The following SRD5A1 variants were observed in gnomAD, a reference collection of about 807,000 sequenced individuals.
SRD5A1 encodes the protein steroid 5 alpha-reductase 1, also known as 3-oxo-5-alpha-steroid 4-dehydrogenase 1.
In SRD5A1, 22 loss-of-function variants were observed where a neutral mutation model predicts 28.2. The observed-to-expected ratio is 0.78, with a 90% CI of 0.56 to 1.12. SRD5A1 has a LOEUF of 1.12. Ranked by LOEUF, SRD5A1 falls within the 50% of genes most tolerant of loss-of-function variation. The pLI is 0.00. For synonymous variants in SRD5A1, 151 were observed against 135.0 expected (o/e 1.12, Z -0.82); for missense variants, 300 against 346.7 (o/e 0.87, Z 1.07).
In SRD5A1 at chr5:6,662,250, C is replaced by T. The variant is rs377677529; in HGVS notation, c.563-566C>T. Among the ~76,000 whole-genome samples, 40 of 152,328 alleles carry T rather than the reference C, an allele frequency of 2.6e-4. 5 individuals are homozygous for T. Among genetic ancestry groups the T allele is most frequent in the East Asian group, 2.5e-3 (13 of 5,178 alleles). ...GACCTCCTCCACCCCATCCCAGCTC[C>T]GGGGCCCCCTCACTCTGCCCTGCCC... On this transcript the variant is annotated intron_variant, in intron 3 of 4. Transcript: ENST00000274192.
At chr5:6,666,229 G>A (rs1249253146) in intron 4 of SRD5A1, among the ~76,000 whole-genome samples, 1 of 151,878 alleles carries the variant, frequency 6.6e-6, no homozygotes, top group Non-Finnish European at 1.5e-5. Context: ...CTCACTGCAA[G>A]CTCTGCCTCC....
chr5:6,659,340 C>T (rs1738933632), intron 3 of SRD5A1, among the ~76,000 whole-genome samples: 2 of 151,986 alleles, frequency 1.3e-5, no homozygotes, highest in Admixed American at 1.3e-4. Context: ...GTCTCGATCT[C>T]CTGACCTCGT....
At position 6,673,870 on chromosome 5, in the gene SRD5A1, G is replaced by A. The variant is rs550587861; in HGVS notation, c.*5602G>A. 1.3e-5 allele frequency: 2 copies of A among 152,228 alleles called. No individual in the cohort carries two copies. The highest frequency in any genetic ancestry group is 1.9e-4 in the East Asian group (1 of 5,186). 9.4% of individuals were successfully genotyped at this position (152,228 alleles called of 1,614,324 possible). On this transcript the variant is annotated 3_prime_UTR_variant, in exon 5 of 5. Coordinates refer to ENST00000274192, the MANE Select transcript of SRD5A1 (RefSeq NM_001047.4). ...GAAAAAAGCCAGTTTGCAAAGGCTA[G>A]ATACTATATGATCCCAACTGTATAA...
Position 6,633,600 on chromosome 5 carries a change from G to A in SRD5A1, c.24G>A (p.Ala8=), listed in dbSNP as rs1389918070. 3.9e-6 allele frequency: 6 copies of A among 1,521,806 alleles called. No individual in the cohort carries two copies. Among genetic ancestry groups the A allele is most frequent in the Non-Finnish European group, 5.3e-6 (6 of 1,142,334 alleles). 94.3% of individuals were successfully genotyped at this position (1,521,806 alleles called of 1,614,324 possible). Residue 8 remains alanine, a synonymous_variant, in exon 1 of 5, where the codon GCG becomes GCA. Coordinates refer to ENST00000274192, the MANE Select transcript of SRD5A1 (RefSeq NM_001047.4). ...CGATGGCAACGGCGACGGGGGTGGC[G>A]GAGGAGCGCCTGCTGGCCGCGCTCG... MATATGV[A]EERLLAALAY... is the part of the protein sequence containing the mutation.
chr5:6,640,099 G>C (rs182319551), intron 1 of SRD5A1, among the ~76,000 whole-genome samples: 1 of 152,114 alleles, frequency 6.6e-6, no homozygotes, highest in African/African-American at 2.4e-5. Flanking sequence ...ATGTCTCAAC[G>C]GGTCCTCATG....
intron 1 of SRD5A1, among the ~76,000 whole-genome samples, chr5:6,637,278 G>A (rs751618680): frequency 6.6e-6 from 1 of 152,100 alleles, no homozygotes; most frequent in African/African-American, 2.4e-5. Context: ...TTACAGTGAC[G>A]CCCCGCTGCA....
At chr5:6,659,115 ATCT>A (rs1738916645) in intron 3 of SRD5A1, among the ~76,000 whole-genome samples, 1 of 149,286 alleles carries the variant, frequency 6.7e-6, no homozygotes. Context: ...AAAAAAAAAA[ATCT>A]TTTTTTTTTT....
intron 1 of SRD5A1, among the ~76,000 whole-genome samples, chr5:6,641,610 T>G (rs907846654): frequency 2.0e-5 from 3 of 152,218 alleles, no homozygotes; most frequent in African/African-American, 7.2e-5. Context: ...TCAGGGTTAC[T>G]GGTGTCCCCT....
chr5:6,668,887 A>G lies in SRD5A1; in HGVS notation c.*619A>G, dbSNP rs13974. 20,287 of 152,348 alleles carry G rather than the reference A, an allele frequency of 0.13. 1,775 individuals are homozygous for G. The highest frequency in any genetic ancestry group is 0.2 in the Middle Eastern group (58 of 294). 9.4% of individuals were successfully genotyped at this position (152,348 alleles called of 1,614,324 possible). ...AAGGCATCTGGACTTGTTCCAGCCC[A>G]GCCCACCGGGTGACATCACCGGGCA... On this transcript the variant is annotated 3_prime_UTR_variant, in exon 5 of 5. Coordinates refer to ENST00000274192, the MANE Select transcript of SRD5A1 (RefSeq NM_001047.4).
chr5:6,658,453 T>A (rs1318717712), intron 3 of SRD5A1, among the ~76,000 whole-genome samples: 1 of 152,232 alleles, frequency 6.6e-6, no homozygotes, highest in Non-Finnish European at 1.5e-5. Context: ...GACCTCTCCC[T>A]GTGATGTTTC....
chr5:6,642,018 T>C (rs1191903466), intron 1 of SRD5A1, among the ~76,000 whole-genome samples: 1 of 152,234 alleles, frequency 6.6e-6, no homozygotes, highest in Non-Finnish European at 1.5e-5. Flanking sequence ...AGATACTGGG[T>C]AGGTATTTAC....
In SRD5A1 at chr5:6,670,777, T is replaced by C. The variant is rs1247142885; in HGVS notation, c.*2509T>C. On this transcript the variant is annotated 3_prime_UTR_variant, in exon 5 of 5. Coordinates refer to ENST00000274192, the MANE Select transcript of SRD5A1 (RefSeq NM_001047.4). Reference sequence around the variant, plus strand: ...CAGCCATAATCTTCTCTATCGGCCATTGCTGTAACCAAAGCTTAACCACCT... The same window carrying C: ...CAGCCATAATCTTCTCTATCGGCCACTGCTGTAACCAAAGCTTAACCACCT... The C allele has an allele frequency of 6.6e-6, 1 of 152,214 alleles. No homozygotes were observed. Among genetic ancestry groups the C allele is most frequent in the African/African-American group, 2.4e-5 (1 of 41,470 alleles). 9.4% of individuals were successfully genotyped at this position (152,214 alleles called of 1,614,324 possible).
chr5:6,662,985 T>C lies in SRD5A1; in HGVS notation c.713+19T>C. 6.2e-7 allele frequency: 1 copy of C among 1,612,624 alleles called. No individual in the cohort carries two copies. Among genetic ancestry groups the C allele is most frequent in the Non-Finnish European group, 8.5e-7 (1 of 1,179,196 alleles). On this transcript the variant is annotated intron_variant, in intron 4 of 4. Transcript: ENST00000274192. ...ATCATGAGTAAGTTTTAAAACACTT[T>C]TACCATTTGTAATTTGTTCTTTGAC...
intron 3 of SRD5A1, among the ~76,000 whole-genome samples, chr5:6,659,195 G>A (rs977311760): frequency 8.6e-5 from 13 of 151,326 alleles, no homozygotes; most frequent in African/African-American, 3.2e-4. Flanking sequence ...CTCACTGCAA[G>A]CTCTGCCTCT....
intron 1 of SRD5A1, among the ~76,000 whole-genome samples, chr5:6,635,920 ACAGAGT>A (rs1307636676): frequency 6.6e-6 from 1 of 152,228 alleles, no homozygotes; most frequent in Non-Finnish European, 1.5e-5. Context: ...GCTCATTCAT[ACAGAGT>A]AGAACACGGA....
At chr5:6,644,875 C>T (rs749456493) in intron 1 of SRD5A1, 7 of 456,112 alleles carry the variant, frequency 1.5e-5, no homozygotes, top group South Asian at 9.3e-5. Flanking sequence ...TACCCATTGT[C>T]TGCCCGGATC....
chr5:6,665,595 G>A (rs192676359), intron 4 of SRD5A1, among the ~76,000 whole-genome samples: 1 of 152,264 alleles, frequency 6.6e-6, no homozygotes, highest in African/African-American at 2.4e-5. Flanking sequence ...TCACTTCCCG[G>A]TGAAGATGCC....
At chr5:6,637,877 A>G (rs1330219590) in intron 1 of SRD5A1, among the ~76,000 whole-genome samples, 1 of 152,178 alleles carries the variant, frequency 6.6e-6, no homozygotes, top group Admixed American at 6.5e-5. Flanking sequence ...GCCTCAAAAC[A>G]TTGCACCTAC....
At chr5:6,645,256 A>G (rs1738476805) in intron 1 of SRD5A1, 2 of 275,510 alleles carry the variant, frequency 7.3e-6, no homozygotes, top group African/African-American at 2.2e-5. Flanking sequence ...CCTGGCGCAC[A>G]TGGTCAGAAT....
Sources: allele counts gnomAD v4.1 joint callset (sites outside exome capture counted in the v4.1 genomes callset), GRCh38; gene constraint gnomAD v4.1.1; transcripts MANE v1.5; gene names NCBI Gene and HGNC (gene_info 2026-07-23, HGNC 2026-07-21).